The following RXYLT1 variants were observed in gnomAD, a reference collection of about 807,000 sequenced individuals.
RXYLT1 encodes the protein ribitol-5-phosphate xylosyltransferase 1.
In RXYLT1, 41 loss-of-function variants were observed where a neutral mutation model predicts 43.5. The ratio of observed to expected loss-of-function variants is 0.94; its 90% CI spans 0.73 to 1.22. The LOEUF is 1.22. Ranked by LOEUF, RXYLT1 falls within the 50% of genes most tolerant of loss-of-function variation. RXYLT1 has a pLI of 0.00. For missense variants in RXYLT1, 514 were observed against 532.0 expected (o/e 0.97, Z 0.33); for synonymous variants, 166 against 194.4 (o/e 0.85, Z 1.21).
At chr12:63,783,200 C>G (rs1471642590) in intron 2 of RXYLT1, among the ~76,000 whole-genome samples, 4 of 152,346 alleles carry the variant, frequency 2.6e-5, no homozygotes, top group Non-Finnish European at 4.4e-5. Context: ...GCGTCTCACG[C>G]CCGTAATCCC....
chr12:63,791,699 C>T (rs1455412585), intron 3 of RXYLT1, among the ~76,000 whole-genome samples: 1 of 152,160 alleles, frequency 6.6e-6, no homozygotes, highest in Non-Finnish European at 1.5e-5. Context: ...GTTAAAATAT[C>T]CTTTAAAAAA....
chr12:63,805,765 G>A lies in RXYLT1; in HGVS notation c.914+361G>A, dbSNP rs757960295. 9 of 160,058 alleles carry A rather than the reference G, an allele frequency of 5.6e-5. No homozygotes were observed. In the East Asian group the frequency reaches 7.2e-4, roughly 13 times the overall value. The allele number at this position is 160,058 out of a possible 1,614,324, so 9.9% of individuals were successfully genotyped here. A position where few individuals can be genotyped will look rare whatever the true frequency, so the allele number is the denominator to read the frequency against. ...TGGACCAATTCAGTGTTCCAAGACC[G>A]GTGTGCAGGTCTCACAAATTCAGGA... On this transcript the variant is annotated intron_variant, in intron 5 of 5. Coordinates refer to ENST00000261234, the MANE Select transcript of RXYLT1 (RefSeq NM_014254.3).
At chr12:63,780,333 C>G (rs1166608269) in intron 1 of RXYLT1, 2 of 1,290,274 alleles carry the variant, frequency 1.6e-6, no homozygotes, top group Admixed American at 4.1e-5. Context: ...TCTCACACGC[C>G]GTCCCCGCTC....
rs762684551 is a variant in RXYLT1, at chr12:63,784,943, G to A, written c.326-27G>A. 10 of 1,592,404 alleles carry A rather than the reference G, an allele frequency of 6.3e-6. No individual in the cohort carries two copies. The African/African-American group carries it at 1.4e-4, about 22-fold the overall frequency. On this transcript the variant is annotated intron_variant, in intron 2 of 5. Coordinates refer to ENST00000261234, the MANE Select transcript of RXYLT1 (RefSeq NM_014254.3). ...AGTAGATGAGACAGTAAATTGTTTTGATTTTGTTTTTGTTGTTAATTACCA... is the reference window on the plus strand; with the variant it reads ...AGTAGATGAGACAGTAAATTGTTTTAATTTTGTTTTTGTTGTTAATTACCA...
At chr12:63,791,139 T>C (rs1897913090) in intron 3 of RXYLT1, among the ~76,000 whole-genome samples, 1 of 152,236 alleles carries the variant, frequency 6.6e-6, no homozygotes, top group African/African-American at 2.4e-5. Context: ...AGACCCATTC[T>C]GTCTCTTGAA....
chr12:63,793,587 T>TAA (rs1366955691), intron 3 of RXYLT1, among the ~76,000 whole-genome samples: 1 of 152,188 alleles, frequency 6.6e-6, no homozygotes, highest in Non-Finnish European at 1.5e-5. Context: ...ACAATAGAAA[T>TAA]TCATCTCTTG....
rs1897656552 is a variant in RXYLT1, at chr12:63,780,534, C to A, written c.169+405C>A. 4 of 1,025,216 alleles carry A rather than the reference C, an allele frequency of 3.9e-6. No homozygotes were observed. The South Asian group carries it at 1.7e-4, about 44-fold the overall frequency. 63.5% of individuals were successfully genotyped at this position (1,025,216 alleles called of 1,614,324 possible). A position where few individuals can be genotyped will look rare whatever the true frequency, so the allele number is the denominator to read the frequency against. On this transcript the variant is annotated intron_variant, in intron 1 of 5. Transcript: ENST00000261234. ...TGCAGTGACCATAAGGCAGACTTTA[C>A]CTCCAAATTCTGGTCCCCTGTCCTG...
chr12:63,805,403 C>T lies in RXYLT1; in HGVS notation c.913C>T (p.His305Tyr), dbSNP rs747728782. ...GCTTTGTTGGGTTTCAGCAAGAGAA[C>T]AGTAAGTTCTATGCTTATTTAATTC... ...DKLCWVSARE[H>Y]WQPQETNESL... is the part of the protein sequence containing the mutation. The change falls in exon 5 of 6, where the codon CAC becomes TAC. Residue 305 changes from histidine (H) to tyrosine (Y), a missense_variant and splice_region_variant. Coordinates refer to ENST00000261234, the MANE Select transcript of RXYLT1 (RefSeq NM_014254.3). 1 of 1,596,464 alleles carries T rather than the reference C, an allele frequency of 6.3e-7. No homozygotes were observed. The highest frequency in any genetic ancestry group is 2.2e-5 in the East Asian group (1 of 44,486).
intron 1 of RXYLT1, among the ~76,000 whole-genome samples, chr12:63,780,682 C>T (rs967744784): frequency 6.6e-6 from 1 of 152,140 alleles, no homozygotes; most frequent in African/African-American, 2.4e-5. Flanking sequence ...CATAGGTTAC[C>T]TGTATACAAT....
rs1342316456 is a variant in RXYLT1 at position 63,779,989 on chromosome 12, C to T, written c.29C>T (p.Ser10Leu). 6.2e-7 allele frequency: 1 copy of T among 1,610,654 alleles called. No individual in the cohort carries two copies. The highest frequency in any genetic ancestry group is 1.7e-5 in the Admixed American group (1 of 59,938). Reference sequence around the variant, plus strand: ...CGGCTGACGCGGAAGCGGCTCTGCTCGTTTCTTATCGCCCTGTACTGCCTA... The same window carrying T: ...CGGCTGACGCGGAAGCGGCTCTGCTTGTTTCTTATCGCCCTGTACTGCCTA... MRLTRKRLC[S>L]FLIALYCLFS... Residue 10 changes from serine (S) to leucine (L), a missense_variant, in exon 1 of 6, where the codon TCG becomes TTG. Ser to Leu is a moderately radical substitution (Grantham distance 145, BLOSUM62 -2). Transcript: ENST00000261234.
intron 3 of RXYLT1, among the ~76,000 whole-genome samples, chr12:63,792,573 G>A (rs963279981): frequency 7.9e-5 from 12 of 152,176 alleles, no homozygotes; most frequent in African/African-American, 2.4e-4. Flanking sequence ...TGCTGCTGGC[G>A]TGCTATGAGA....
intron 1 of RXYLT1, 65 bp from the exon 2 acceptor site, chr12:63,780,954 T>C: frequency 1.5e-6 from 2 of 1,306,210 alleles, no homozygotes; most frequent in Non-Finnish European, 2.0e-6. Context: ...TTAATTTAAA[T>C]GATTTGAATT....
In RXYLT1 at chr12:63,809,136, T is replaced by A. The variant is rs1474591996; in HGVS notation, c.*44T>A. 3.8e-6 allele frequency: 5 copies of A among 1,305,592 alleles called. No homozygotes were observed. Among genetic ancestry groups the A allele is most frequent in the Non-Finnish European group, 5.2e-6 (5 of 956,712 alleles). The allele number at this position is 1,305,592 out of a possible 1,614,324, so 80.9% of individuals were successfully genotyped here. A position where few individuals can be genotyped will look rare whatever the true frequency, so the allele number is the denominator to read the frequency against. ...ATGTGATTTTTAAAATCATTTTGAC[T>A]ACTGGGTGTATAAATGTGTTTGTGT... On this transcript the variant is annotated 3_prime_UTR_variant, in exon 6 of 6. Transcript: ENST00000261234.
At chr12:63,780,256 G>T in intron 1 of RXYLT1, 127 bp downstream of exon 1, 1 of 1,371,316 alleles carries the variant, frequency 7.3e-7, no homozygotes, top group Non-Finnish European at 9.3e-7. Context: ...GAAGCGCTTT[G>T]CCCCCTACAG....
intron 2 of RXYLT1, among the ~76,000 whole-genome samples, chr12:63,782,025 T>C (rs1897695821): frequency 6.6e-6 from 1 of 152,228 alleles, no homozygotes; most frequent in South Asian, 2.1e-4. Context: ...GTTCTAGCCA[T>C]TATTTTTTAA....
At chr12:63,795,529 T>G (rs1342231528) in intron 3 of RXYLT1, 2 of 146,960 alleles carry the variant, frequency 1.4e-5, no homozygotes, top group Admixed American at 1.4e-4. Flanking sequence ...GCAGTGAGCC[T>G]AGATCACACC....
rs1226095554 is a variant in RXYLT1 at position 63,779,999 on chromosome 12, C to A, written c.39C>A (p.Ile13=). 12 of 1,611,458 alleles carry A rather than the reference C, an allele frequency of 7.4e-6. No individual in the cohort carries two copies. The South Asian group carries it at 7.7e-5, about 10-fold the overall frequency. ...LTRKRLCSFL[I]ALYCLFSLYA... is the part of the protein sequence containing the mutation. ...GGAAGCGGCTCTGCTCGTTTCTTAT[C>A]GCCCTGTACTGCCTATTCTCCCTCT... The change falls in exon 1 of 6, where the codon ATC becomes ATA. Residue 13 remains isoleucine, a synonymous_variant. Coordinates refer to ENST00000261234, the MANE Select transcript of RXYLT1 (RefSeq NM_014254.3).
At chr12:63,784,877 A>T in intron 2 of RXYLT1, 93 bp from the exon 3 acceptor site, 1 of 1,077,896 alleles carries the variant, frequency 9.3e-7, no homozygotes, top group Non-Finnish European at 1.4e-6. Flanking sequence ...TTATAGTCAA[A>T]TGAGTAAAAG....
chr12:63,798,720 C>T (rs1406631351), intron 3 of RXYLT1, among the ~76,000 whole-genome samples: 3 of 152,216 alleles, frequency 2.0e-5, no homozygotes, highest in South Asian at 2.1e-4. Flanking sequence ...CCATGGTTGC[C>T]GTGATAAAAT....
Sources: allele counts gnomAD v4.1 joint callset (sites outside exome capture counted in the v4.1 genomes callset), GRCh38; gene constraint gnomAD v4.1.1; transcripts MANE v1.5; gene names NCBI Gene and HGNC (gene_info 2026-07-23, HGNC 2026-07-21).